The following VRK2 variants were observed in gnomAD, a reference collection of about 807,000 sequenced individuals.
The protein encoded by VRK2 is VRK serine/threonine kinase 2.
In VRK2, 60 loss-of-function variants were observed where a neutral mutation model predicts 57.6. The observed-to-expected ratio is 1.04, with a 90% confidence interval of 0.85 to 1.29. VRK2 has a LOEUF of 1.29. Ranked by LOEUF, VRK2 falls within the 50% of genes most tolerant of loss-of-function variation. The pLI is 0.00. For missense variants in VRK2, 705 were observed against 588.1 expected, an observed-to-expected ratio of 1.20 and a Z score of -2.06; for synonymous variants, 231 against 199.2, an observed-to-expected ratio of 1.16 and a Z score of -1.35.
At chr2:57,964,286 T>C (rs1478350873) in intron 1 of VRK2, among the ~76,000 whole-genome samples, 3 of 152,110 alleles carry the variant, frequency 2.0e-5, no homozygotes, top group Non-Finnish European at 4.4e-5. Context: ...AAGAAAAATA[T>C]TATTAAGAAA....
chr2:58,136,798 T>TA (rs1680098902), intron 10 of VRK2, among the ~76,000 whole-genome samples: 1 of 146,158 alleles, frequency 6.8e-6, no homozygotes, highest in East Asian at 2.0e-4. Context: ...ATATATCATA[T>TA]ATATGTGTAT....
At chr2:58,095,565 T>C (rs1311981521) in intron 7 of VRK2, among the ~76,000 whole-genome samples, 1 of 152,076 alleles carries the variant, frequency 6.6e-6, no homozygotes, top group Non-Finnish European at 1.5e-5. Context: ...TTATTTCTTA[T>C]TATTTTTGTT....
chr2:57,942,860 C>T (rs1379370176), intron 1 of VRK2, among the ~76,000 whole-genome samples: 2 of 152,136 alleles, frequency 1.3e-5, no homozygotes, highest in African/African-American at 4.8e-5. Context: ...TAACAGGCTC[C>T]TGCATATATC....
chr2:58,159,403 G>A lies in VRK2; in HGVS notation c.1237G>A (p.Val413Ile). ...YQESQEPLNE[V>I]NSFPQKISYT... ...AGAGTCTCAAGAACCTTTGAATGAA[G>A]TAAACAGTTTCCCACAAAAAATCAG... Residue 413 changes from valine (V) to isoleucine (I), a missense_variant, in exon 13 of 13, where the codon GTA becomes ATA. Val to Ile is a conservative substitution (Grantham distance 29). Transcript: ENST00000340157. 6.2e-7 allele frequency: 1 copy of A among 1,613,416 alleles called. No homozygotes were observed. Among genetic ancestry groups the A allele is most frequent in the Non-Finnish European group, 8.5e-7 (1 of 1,179,662 alleles).
chr2:58,026,332 G>A (rs907517069), intron 2 of VRK2, among the ~76,000 whole-genome samples: 4 of 151,898 alleles, frequency 2.6e-5, no homozygotes, highest in Non-Finnish European at 5.9e-5. Context: ...GAGAAAGTGA[G>A]GGAATGAGAG....
chr2:58,156,583 T>TG (rs1200027043), intron 12 of VRK2, among the ~76,000 whole-genome samples: 3 of 144,932 alleles, frequency 2.1e-5, no homozygotes, highest in East Asian at 1.9e-4. Context: ...GGTGGTGTTT[T>TG]TTTTGTTTTG....
intron 2 of VRK2, among the ~76,000 whole-genome samples, chr2:58,031,431 T>C (rs1370085857): frequency 1.3e-5 from 2 of 151,808 alleles, no homozygotes; most frequent in Admixed American, 6.6e-5. Context: ...AGACTAAGAG[T>C]ATGACTGTTA....
intron 1 of VRK2, among the ~76,000 whole-genome samples, chr2:58,013,722 A>G (rs1004746495): frequency 5.4e-4 from 82 of 151,386 alleles, no homozygotes; most frequent in African/African-American, 1.9e-3. Flanking sequence ...AGCCGGGCGC[A>G]GTGGCGGGCG....
intron 2 of VRK2, among the ~76,000 whole-genome samples, chr2:58,055,384 C>G (rs6744187): frequency 0.019 from 2,948 of 152,296 alleles, 106 homozygotes; most frequent in African/African-American, 0.068. Context: ...GGTTAAAGGA[C>G]ATGCCATTTC....
chr2:58,135,037 C>A, intron 9 of VRK2, 104 bp from the exon 10 acceptor site: 3 of 1,216,126 alleles, frequency 2.5e-6, no homozygotes, highest in Non-Finnish European at 3.5e-6. Context: ...CATTGAAAGT[C>A]ACAATTTTGG....
At chr2:57,988,851 A>G (rs542038365) in intron 1 of VRK2, among the ~76,000 whole-genome samples, 19 of 152,186 alleles carry the variant, frequency 1.2e-4, no homozygotes, top group African/African-American at 2.4e-4. Flanking sequence ...AATTCCCATA[A>G]TAAGCCTCTT....
intron 1 of VRK2, among the ~76,000 whole-genome samples, chr2:57,981,966 TAG>T (rs1056842357): frequency 2.0e-5 from 3 of 152,228 alleles, no homozygotes; most frequent in African/African-American, 7.2e-5. Context: ...CTCTGCTTTT[TAG>T]AGTTATCAGA....
chr2:58,128,559 T>A (rs1452867615), intron 8 of VRK2, among the ~76,000 whole-genome samples: 3 of 152,136 alleles, frequency 2.0e-5, no homozygotes, highest in African/African-American at 7.2e-5. Context: ...CTTAAACTCT[T>A]GACCTCAGGT....
intron 1 of VRK2, among the ~76,000 whole-genome samples, chr2:58,015,727 T>G (rs571188254): frequency 3.3e-5 from 5 of 152,308 alleles, no homozygotes; most frequent in African/African-American, 1.2e-4. Context: ...GAATTTTTTT[T>G]TGGCTAAAAT....
intron 8 of VRK2, among the ~76,000 whole-genome samples, chr2:58,123,651 T>G (rs1464324968): frequency 1.3e-5 from 2 of 152,050 alleles, no homozygotes; most frequent in African/African-American, 4.8e-5. Flanking sequence ...CGCTTGAGTC[T>G]AGGAGTTCAA....
At chr2:57,994,846 T>G (rs1410544622) in intron 1 of VRK2, among the ~76,000 whole-genome samples, 1 of 152,178 alleles carries the variant, frequency 6.6e-6, no homozygotes, top group East Asian at 1.9e-4. Flanking sequence ...ATTCCTATAT[T>G]TTCCCAAACA....
At chr2:57,927,848 C>T (rs1357656870) in intron 1 of VRK2, among the ~76,000 whole-genome samples, 1 of 152,168 alleles carries the variant, frequency 6.6e-6, no homozygotes, top group Admixed American at 6.5e-5. Flanking sequence ...TCCTTCAGCA[C>T]TTTAAATACA....
At chr2:57,933,114 T>C (rs552334798) in intron 1 of VRK2, among the ~76,000 whole-genome samples, 1 of 152,140 alleles carries the variant, frequency 6.6e-6, no homozygotes, top group South Asian at 2.1e-4. Flanking sequence ...TGCAGAATGA[T>C]CTGTGTATGC....
chr2:57,993,258 G>T (rs1215970731), intron 1 of VRK2, among the ~76,000 whole-genome samples: 3 of 152,074 alleles, frequency 2.0e-5, no homozygotes, highest in African/African-American at 7.2e-5. Context: ...TTCCAGTACT[G>T]TAACACAATC....
Sources: allele counts gnomAD v4.1 joint callset (sites outside exome capture counted in the v4.1 genomes callset), GRCh38; gene constraint gnomAD v4.1.1; transcripts MANE v1.5; gene names NCBI Gene and HGNC (gene_info 2026-07-23, HGNC 2026-07-21).